The following GNAI1 variants were observed in gnomAD, a reference collection of about 807,000 sequenced individuals.
GNAI1 encodes G protein subunit alpha i1, also known as guanine nucleotide-binding protein G(i) subunit alpha-1.
In GNAI1, 11 loss-of-function variants were observed where a neutral mutation model predicts 38.9. That is an observed-to-expected ratio of 0.28 (90% CI 0.18 to 0.47). GNAI1 has a LOEUF of 0.47. Among genes scored for constraint, GNAI1 ranks in the 20% least tolerant of loss-of-function variants. The pLI is 0.99. For synonymous variants in GNAI1, 166 were observed against 145.1 expected, an observed-to-expected ratio of 1.14 and a Z score of -1.04; for missense variants, 317 against 436.9, an observed-to-expected ratio of 0.73 and a Z score of 2.45.
Position 80,221,576 on chromosome 7 carries a change from C to T in GNAI1, c.*4083C>T, listed in dbSNP as rs1338600267. Among the ~76,000 whole-genome samples the T allele has an allele frequency of 6.9e-6, 1 of 145,642 alleles. No individual in the cohort carries two copies. The highest frequency in any genetic ancestry group is 1.5e-5 in the Non-Finnish European group (1 of 66,958). On this transcript the variant is annotated 3_prime_UTR_variant, in exon 8 of 8. Coordinates refer to ENST00000649796, the MANE Select transcript of GNAI1 (RefSeq NM_002069.6). Reference sequence around the variant, plus strand: ...CTAATCAACTTGAGGACACTTCTGTCGTTTTAATGTAACCAATAGTATGAG... The same window carrying T: ...CTAATCAACTTGAGGACACTTCTGTTGTTTTAATGTAACCAATAGTATGAG...
At chr7:80,182,601 C>T (rs926440903) in intron 1 of GNAI1, among the ~76,000 whole-genome samples, 1 of 152,074 alleles carries the variant, frequency 6.6e-6, no homozygotes, top group African/African-American at 2.4e-5. Flanking sequence ...TAGATAATTA[C>T]CTTTGTTGGG....
At chr7:80,184,359 C>A (rs1276941784) in intron 1 of GNAI1, among the ~76,000 whole-genome samples, 1 of 152,144 alleles carries the variant, frequency 6.6e-6, no homozygotes, top group Non-Finnish European at 1.5e-5. Flanking sequence ...CGTCCAGGGT[C>A]TTGTGTCCCT....
chr7:80,210,635 C>T, intron 5 of GNAI1, among the ~76,000 whole-genome samples: 1 of 151,888 alleles, frequency 6.6e-6, no homozygotes, highest in East Asian at 1.9e-4. Context: ...AGTGTTTACA[C>T]ATAGTGCAGT....
At chr7:80,185,450 CAG>C (rs1788370495) in intron 1 of GNAI1, among the ~76,000 whole-genome samples, 1 of 152,150 alleles carries the variant, frequency 6.6e-6, no homozygotes, top group South Asian at 2.1e-4. Context: ...AAGACCCTCA[CAG>C]AAGAACCGAA....
At chr7:80,190,925 A>G (rs1245738484) in intron 3 of GNAI1, among the ~76,000 whole-genome samples, 1 of 151,578 alleles carries the variant, frequency 6.6e-6, no homozygotes, top group Non-Finnish European at 1.5e-5. Context: ...TAGTTTCAAG[A>G]CTGGAAATAA....
rs1787568601 is a variant in GNAI1 at position 80,143,819 on chromosome 7, C to G, written c.118+8541C>G. Among the ~76,000 whole-genome samples the G allele has an allele frequency of 2.0e-5, 3 of 152,174 alleles. No individual in the cohort carries two copies. In the South Asian group the frequency reaches 6.2e-4, roughly 32 times the overall value. ...GCTATTATTATAAATACTTCAGAGA[C>G]TCTGTGGAATCAGCCCTCCCTTGCA... On this transcript the variant is annotated intron_variant, in intron 1 of 7. Transcript: ENST00000649796.
chr7:80,137,293 C>CTTTTCTTTTCTTTTTTTTTTTTTTTTT (rs1787432808), intron 1 of GNAI1, among the ~76,000 whole-genome samples: 2 of 95,262 alleles, frequency 2.1e-5, no homozygotes, highest in African/African-American at 4.1e-5. Context: ...TTTCTTTTTT[C>CTTTTCTTTTCTTTTTTTTTTTTTTTTT]TTTTTTTTTT....
chr7:80,197,456 G>A (rs1788598183), intron 3 of GNAI1, among the ~76,000 whole-genome samples: 1 of 151,944 alleles, frequency 6.6e-6, no homozygotes, highest in African/African-American at 2.4e-5. Flanking sequence ...TATTGAAATT[G>A]AATGAAGACG....
chr7:80,218,506 TGAG>T lies in GNAI1; in HGVS notation c.*1017_*1019del, dbSNP rs1182116799. On this transcript the variant is annotated 3_prime_UTR_variant, in exon 8 of 8. Transcript: ENST00000649796. ...TGATTGGTGAGGCTTTTATTTCCCT[TGAG>T]GAGTCTCTTGTACCTAGCATACATG... 2.0e-5 allele frequency: 3 copies of T among 152,264 alleles called. No homozygotes were observed. The highest frequency in any genetic ancestry group is 3.9e-4 in the East Asian group (2 of 5,188). 9.4% of individuals were successfully genotyped at this position (152,264 alleles called of 1,614,324 possible).
chr7:80,148,321 C>T (rs939751019), intron 1 of GNAI1, among the ~76,000 whole-genome samples: 1 of 152,000 alleles, frequency 6.6e-6, no homozygotes, highest in African/African-American at 2.4e-5. Context: ...TTAGCAGTCC[C>T]ATCTGAAATA....
intron 1 of GNAI1, among the ~76,000 whole-genome samples, chr7:80,168,490 C>G (rs1788048957): frequency 6.6e-6 from 1 of 152,118 alleles, no homozygotes; most frequent in South Asian, 2.1e-4. Context: ...TGGGTTCACA[C>G]CATTCTCCTG....
At chr7:80,140,734 A>G (rs7776571) in intron 1 of GNAI1, among the ~76,000 whole-genome samples, 29,832 of 152,280 alleles carry the variant, frequency 0.2, 3,386 homozygotes, top group African/African-American at 0.31. Context: ...AGGGCAAAAA[A>G]TTTTTTTTAA....
At chr7:80,195,524 G>C (rs943092440) in intron 3 of GNAI1, among the ~76,000 whole-genome samples, 2 of 152,114 alleles carry the variant, frequency 1.3e-5, no homozygotes, top group East Asian at 3.9e-4. Flanking sequence ...TGGGATGCAA[G>C]ACTGGTTCAA....
chr7:80,144,732 A>G (rs1787588536), intron 1 of GNAI1, among the ~76,000 whole-genome samples: 1 of 152,202 alleles, frequency 6.6e-6, no homozygotes, highest in South Asian at 2.1e-4. Context: ...AAGTAAACTT[A>G]CAGTTATAAT....
chr7:80,189,759 G>A (rs946652429), intron 3 of GNAI1, among the ~76,000 whole-genome samples: 2 of 152,108 alleles, frequency 1.3e-5, no homozygotes, highest in African/African-American at 4.8e-5. Context: ...TTGGAGACAA[G>A]CTAGTTTCAA....
chr7:80,211,406 T>G (rs1196849741), intron 6 of GNAI1, among the ~76,000 whole-genome samples: 1 of 151,650 alleles, frequency 6.6e-6, no homozygotes, highest in Non-Finnish European at 1.5e-5. Flanking sequence ...TTACTTCTGT[T>G]AGTTTAGTAA....
chr7:80,165,240 ATGT>A (rs1432300060), intron 1 of GNAI1, among the ~76,000 whole-genome samples: 1 of 152,142 alleles, frequency 6.6e-6, no homozygotes, highest in East Asian at 1.9e-4. Flanking sequence ...TCTCTCAGTA[ATGT>A]TGTACAGTGC....
At chr7:80,171,917 T>A (rs1189766691) in intron 1 of GNAI1, among the ~76,000 whole-genome samples, 2 of 152,234 alleles carry the variant, frequency 1.3e-5, no homozygotes, top group Admixed American at 1.3e-4. Flanking sequence ...CCTATTTGTG[T>A]GCCCTTCCTG....
chr7:80,179,506 A>G (rs1788253744), intron 1 of GNAI1, among the ~76,000 whole-genome samples: 1 of 152,218 alleles, frequency 6.6e-6, no homozygotes, highest in African/African-American at 2.4e-5. Flanking sequence ...GAATTTTAAA[A>G]AGACATGTAG....
Sources: gnomAD v4.1 joint callset for allele counts (sites outside exome capture counted in the v4.1 genomes callset) on GRCh38, gnomAD v4.1.1 for gene constraint, MANE v1.5 for transcripts, NCBI Gene and HGNC (gene_info 2026-07-23, HGNC 2026-07-21) for gene names.